The following MAP3K8 variants were observed in gnomAD, a reference collection of about 807,000 sequenced individuals.
MAP3K8 encodes the protein mitogen-activated protein kinase kinase kinase 8.
In MAP3K8, 22 loss-of-function variants were observed where a neutral mutation model predicts 45.8. That is an observed-to-expected ratio of 0.48 (90% CI 0.34 to 0.69). The LOEUF (loss-of-function observed/expected upper bound fraction) is 0.69, where lower values mean the gene tolerates loss of function less well. Among genes scored for constraint, MAP3K8 ranks in the 30% least tolerant of loss-of-function variants. The probability of loss-of-function intolerance (pLI) is 0.01; values close to 1 mark genes in which losing one functional copy is unlikely to be tolerated. For synonymous variants in MAP3K8, 223 were observed against 214.3 expected, an observed-to-expected ratio of 1.04 and a Z score of -0.36; for missense variants, 419 against 585.0, an observed-to-expected ratio of 0.72 and a Z score of 2.93.
In MAP3K8 at chr10:30,461,151, A is replaced by G. The variant is rs191999092; in HGVS notation, c.*315A>G. On this transcript the variant is annotated 3_prime_UTR_variant, in exon 9 of 9. Transcript: ENST00000263056. ...TTTGCTCAAAATTTTAAAAATACCA[A>G]TCACAAGGATAATAGAGTAGCCTAA... 72 of 285,050 alleles carry G rather than the reference A, an allele frequency of 2.5e-4. No homozygotes were observed. Among genetic ancestry groups the G allele is most frequent in the African/African-American group, 1.3e-3 (62 of 46,720 alleles). 17.7% of individuals were successfully genotyped at this position (285,050 alleles called of 1,614,324 possible).
chr10:30,442,939 C>T (rs888607042), intron 3 of MAP3K8, among the ~76,000 whole-genome samples: 4 of 152,148 alleles, frequency 2.6e-5, no homozygotes, highest in Admixed American at 2.0e-4. Context: ...ATTGGTAGAA[C>T]ATTTTGGTAT....
At chr10:30,455,261 A>G (rs1836696166) in intron 6 of MAP3K8, among the ~76,000 whole-genome samples, 1 of 152,248 alleles carries the variant, frequency 6.6e-6, no homozygotes, top group Non-Finnish European at 1.5e-5. Context: ...TGAAGTGACC[A>G]GTGAAACCTT....
chr10:30,459,644 A>C, intron 8 of MAP3K8, 143 bp downstream of exon 8: 1 of 954,586 alleles, frequency 1.0e-6, no homozygotes, highest in Non-Finnish European at 1.5e-6. Flanking sequence ...AATTTCAGCA[A>C]GATTAGCAGA....
At position 30,461,569 on chromosome 10, in the gene MAP3K8, A is replaced by T. The variant is rs369084396; in HGVS notation, c.*733A>T. ...GGATGAGAATGTGACCTTTAAGAAA[A>T]ATGAAAACTTTTGTAAATTATTGAT... On this transcript the variant is annotated 3_prime_UTR_variant, in exon 9 of 9. Transcript: ENST00000263056. The T allele has an allele frequency of 8.9e-5, 17 of 191,300 alleles. No homozygotes were observed. Among genetic ancestry groups the T allele is most frequent in the East Asian group, 3.4e-4 (4 of 11,864 alleles). 11.9% of individuals were successfully genotyped at this position (191,300 alleles called of 1,614,324 possible). A position where few individuals can be genotyped will look rare whatever the true frequency, so the allele number is the denominator to read the frequency against.
At chr10:30,453,755 G>A (rs1024663451) in intron 6 of MAP3K8, among the ~76,000 whole-genome samples, 1 of 152,028 alleles carries the variant, frequency 6.6e-6, no homozygotes, top group Non-Finnish European at 1.5e-5. Context: ...GGATGGGCGT[G>A]GTGTTCTCAC....
chr10:30,448,345 CT>C (rs1252397124), intron 4 of MAP3K8, among the ~76,000 whole-genome samples: 1 of 151,812 alleles, frequency 6.6e-6, no homozygotes, highest in Non-Finnish European at 1.5e-5. Flanking sequence ...AGGAGGTAGC[CT>C]TTTCAGGAAG....
Position 30,434,776 on chromosome 10 carries a change from C to A in MAP3K8, c.-255+398C>A, listed in dbSNP as rs938015014. Reference sequence around the variant, plus strand: ...GAGTGCAGCTCGGAGGCTGGAGGACCCGATCCTCCCAAATGCTGGGTGCTT... The same window carrying A: ...GAGTGCAGCTCGGAGGCTGGAGGACACGATCCTCCCAAATGCTGGGTGCTT... On this transcript the variant is annotated intron_variant, in intron 1 of 8. Transcript: ENST00000263056. 7 of 985,416 alleles carry A rather than the reference C, an allele frequency of 7.1e-6. No individual in the cohort carries two copies. In the African/African-American group the frequency reaches 1.0e-4, roughly 15 times the overall value. The allele number at this position is 985,416 out of a possible 1,614,324, so 61.0% of individuals were successfully genotyped here.
At chr10:30,450,580 C>T (rs1463446223) in intron 5 of MAP3K8, 61 bp downstream of exon 5, 3 of 1,500,564 alleles carry the variant, frequency 2.0e-6, no homozygotes, top group East Asian at 4.5e-5. Context: ...AGGAGACAAA[C>T]AAGCTCCTTC....
Position 30,458,210 on chromosome 10 carries a change from T to C in MAP3K8, c.1000T>C (p.Ser334Pro). 3.3e-6 allele frequency: 5 copies of C among 1,506,740 alleles called. No homozygotes were observed. The highest frequency in any genetic ancestry group is 4.5e-6 in the Non-Finnish European group (5 of 1,114,564). 93.3% of individuals were successfully genotyped at this position (1,506,740 alleles called of 1,614,324 possible). The change falls in exon 7 of 9, where the codon TCA (serine) becomes CCA (proline). Residue 334 changes from serine to proline, a missense_variant. By Grantham distance (74) the Ser-to-Pro change is moderately conservative (BLOSUM62 -1). Transcript: ENST00000263056. ...TPPWVKRYPR[S>P]AYPSYLYIIH... ...ACCCTGGGTGAAGCGCTACCCTCGC[T>C]CAGCCTATCCCTCCTACCTGTACAT...
chr10:30,454,269 T>G (rs925900204), intron 6 of MAP3K8, among the ~76,000 whole-genome samples: 1 of 152,154 alleles, frequency 6.6e-6, no homozygotes, highest in South Asian at 2.1e-4. Flanking sequence ...CTTAGTCTAG[T>G]CTAGCTAGTA....
rs1269809407 is a variant in MAP3K8, at chr10:30,437,267, C to G, written c.-163C>G. ...GGAAGCTAACGCAGTATCTGCAAAGCCAGGAGTCTGACTCAGTACTTTTCT... is the reference window on the plus strand; with the variant it reads ...GGAAGCTAACGCAGTATCTGCAAAGGCAGGAGTCTGACTCAGTACTTTTCT... On this transcript the variant is annotated 5_prime_UTR_variant, in exon 2 of 9. Coordinates refer to ENST00000263056, the MANE Select transcript of MAP3K8 (RefSeq NM_005204.4). The G allele has an allele frequency of 2.0e-6, 2 of 985,188 alleles. No homozygotes were observed. The highest frequency in any genetic ancestry group is 2.4e-6 in the Non-Finnish European group (2 of 829,904). The allele number at this position is 985,188 out of a possible 1,614,324, so 61.0% of individuals were successfully genotyped here.
rs139333853 is a variant in MAP3K8 at position 30,459,497 on chromosome 10, T to C, written c.1269T>C (p.Ile423=). 1.4e-4 allele frequency: 232 copies of C among 1,613,626 alleles called. 1 individual carries two copies. In the African/African-American group the frequency reaches 2.8e-3, roughly 20 times the overall value. ...SRKELELPEN[I]ADSSCTGSTE... is the part of the protein sequence containing the mutation. Reference sequence around the variant, plus strand: ...AGGAGCTGGAACTTCCTGAGAACATTGCTGGTAGGGACACCCTGCTGTGTG... The same window carrying C: ...AGGAGCTGGAACTTCCTGAGAACATCGCTGGTAGGGACACCCTGCTGTGTG... Residue 423 remains isoleucine (I), a synonymous_variant, in exon 8 of 9, where the codon ATT becomes ATC. Coordinates refer to ENST00000263056, the MANE Select transcript of MAP3K8 (RefSeq NM_005204.4).
At position 30,458,252 on chromosome 10, in the gene MAP3K8, C is replaced by G; in HGVS notation, c.1026+16C>G. 3.3e-6 allele frequency: 3 copies of G among 920,634 alleles called. No homozygotes were observed. The highest frequency in any genetic ancestry group is 4.6e-6 in the Non-Finnish European group (3 of 659,062). 57.0% of individuals were successfully genotyped at this position (920,634 alleles called of 1,614,324 possible). A position where few individuals can be genotyped will look rare whatever the true frequency, so the allele number is the denominator to read the frequency against. On this transcript the variant is annotated intron_variant, in intron 7 of 8. Coordinates refer to ENST00000263056, the MANE Select transcript of MAP3K8 (RefSeq NM_005204.4). ...CCTGTACATAGTAAGTGGGGTTCAA[C>G]CAGGGCTGGGGGCGGCGGGGGGGGG...
At chr10:30,442,109 G>A (rs892512305) in intron 3 of MAP3K8, among the ~76,000 whole-genome samples, 1 of 152,218 alleles carries the variant, frequency 6.6e-6, no homozygotes, top group Non-Finnish European at 1.5e-5. Flanking sequence ...AGTGCGTCGG[G>A]TGCTAGAGAT....
intron 3 of MAP3K8, among the ~76,000 whole-genome samples, chr10:30,444,880 G>C (rs1758944544): frequency 6.6e-6 from 1 of 152,166 alleles, no homozygotes. Context: ...ACAGATCTGA[G>C]TTCAAATCCT....
chr10:30,441,696 A>G (rs1428271901), intron 3 of MAP3K8, among the ~76,000 whole-genome samples: 1 of 152,166 alleles, frequency 6.6e-6, no homozygotes, highest in Non-Finnish European at 1.5e-5. Flanking sequence ...TGCCACTCAC[A>G]TTAAAGATGG....
At chr10:30,449,202 AG>A (rs1419423707) in intron 4 of MAP3K8, among the ~76,000 whole-genome samples, 1 of 152,088 alleles carries the variant, frequency 6.6e-6, no homozygotes, top group East Asian at 1.9e-4. Flanking sequence ...AGGGGCCAAG[AG>A]GGGGGCTTCT....
At chr10:30,446,344 G>A (rs1476786368) in intron 3 of MAP3K8, among the ~76,000 whole-genome samples, 3 of 152,216 alleles carry the variant, frequency 2.0e-5, no homozygotes, top group East Asian at 3.9e-4. Context: ...AGACCAGCCT[G>A]GCCAACATGG....
At chr10:30,454,942 CTATT>C (rs900947508) in intron 6 of MAP3K8, among the ~76,000 whole-genome samples, 1 of 152,094 alleles carries the variant, frequency 6.6e-6, no homozygotes, top group African/African-American at 2.4e-5. Flanking sequence ...GAAAAACAAA[CTATT>C]TATGGTATTA....
Sources: allele counts gnomAD v4.1 joint callset (sites outside exome capture counted in the v4.1 genomes callset), GRCh38; gene constraint gnomAD v4.1.1; transcripts MANE v1.5; gene names NCBI Gene and HGNC (gene_info 2026-07-23, HGNC 2026-07-21).